SMPD3: variants seen among roughly 807,000 people sequenced by gnomAD.
The protein encoded by SMPD3 is nSMase-2.
In SMPD3, 21 loss-of-function variants were observed where a neutral mutation model predicts 55.7. The ratio of observed to expected loss-of-function variants is 0.38; its 90% CI spans 0.27 to 0.54. SMPD3 has a LOEUF of 0.54. Ranked by LOEUF, SMPD3 falls within the 20% of genes least tolerant of loss-of-function variation. The pLI, the probability that SMPD3 is intolerant of heterozygous loss-of-function variation, is 0.80. For missense variants in SMPD3, 842 were observed against 899.6 expected (o/e 0.94, Z 0.82); for synonymous variants, 457 against 404.3 (o/e 1.13, Z -1.56).
chr16:68,414,662 G>A (rs2090325962), intron 1 of SMPD3, among the ~76,000 whole-genome samples: 2 of 152,260 alleles, frequency 1.3e-5, no homozygotes, highest in Admixed American at 1.3e-4. Flanking sequence ...GAAAGTGCTG[G>A]CTCTTGGCTC....
chr16:68,432,168 C>A (rs1053865728), intron 1 of SMPD3, among the ~76,000 whole-genome samples: 8 of 151,974 alleles, frequency 5.3e-5, no homozygotes, highest in Admixed American at 5.2e-4. Flanking sequence ...TACAATAATC[C>A]TTTATGGTAG....
intron 1 of SMPD3, among the ~76,000 whole-genome samples, chr16:68,432,790 A>T (rs1373795768): frequency 6.6e-6 from 1 of 152,138 alleles, no homozygotes; most frequent in African/African-American, 2.4e-5. Context: ...GGTTTTAAAA[A>T]TTTGACTTTG....
intron 1 of SMPD3, among the ~76,000 whole-genome samples, chr16:68,411,617 G>A (rs368411283): frequency 4.6e-5 from 7 of 152,304 alleles, no homozygotes; most frequent in South Asian, 2.1e-4. Flanking sequence ...AATGGATAAC[G>A]ATCAAAGATG....
At chr16:68,445,876 G>A (rs900491335) in intron 1 of SMPD3, among the ~76,000 whole-genome samples, 2 of 152,198 alleles carry the variant, frequency 1.3e-5, no homozygotes, top group Non-Finnish European at 2.9e-5. Context: ...GGGAGGGCAG[G>A]TCTGGGAGGG....
chr16:68,387,143 C>A (rs1195396058), intron 1 of SMPD3, among the ~76,000 whole-genome samples: 2 of 152,046 alleles, frequency 1.3e-5, no homozygotes, highest in South Asian at 2.1e-4. Context: ...GAGAGCTGAA[C>A]CCAGGCCAGG....
At position 68,370,842 on chromosome 16, in the gene SMPD3, G is replaced by A; in HGVS notation, c.1323+17C>T. 6.2e-7 allele frequency: 1 copy of A among 1,612,266 alleles called. No homozygotes were observed. The highest frequency in any genetic ancestry group is 1.1e-5 in the South Asian group (1 of 90,640). On this transcript the variant is annotated intron_variant, in intron 3 of 8. Transcript: ENST00000219334. ...CCAGCTGGCACGTGGTCCTCAGGCT[G>A]GGCCGAGGTCTCCTACCTTGAGAAA...
intron 1 of SMPD3, among the ~76,000 whole-genome samples, chr16:68,440,070 T>C (rs1405369748): frequency 6.6e-6 from 1 of 152,246 alleles, no homozygotes; most frequent in East Asian, 1.9e-4. Flanking sequence ...TCCTACGTTT[T>C]GGTGTAGACA....
chr16:68,397,903 G>A (rs74024640), intron 1 of SMPD3, among the ~76,000 whole-genome samples: 3,461 of 152,344 alleles, frequency 0.023, 142 homozygotes, highest in African/African-American at 0.079. Context: ...TCTGGGACCT[G>A]GGTCACATGT....
rs60841057 is a variant in SMPD3, at chr16:68,392,835, GAAAAAAAAAA to G, written c.-268-6186_-268-6177del. On this transcript the variant is annotated intron_variant, in intron 1 of 8. Coordinates refer to ENST00000219334, the MANE Select transcript of SMPD3 (RefSeq NM_018667.4). ...CGTGACAGAATGAGACGCTGTCTGG[GAAAAAAAAAA>G]AAAAAAAAAAGATGCCAAAGTGCTC... is the stretch of plus-strand genomic sequence containing the variant. Among the ~76,000 whole-genome samples the G allele has an allele frequency of 4.5e-5, 4 of 88,294 alleles. No individual in the cohort carries two copies. The Admixed American group carries it at 6.0e-4, about 13-fold the overall frequency. The allele number at this position is 88,294 out of a possible 152,430, so 57.9% of individuals were successfully genotyped here. A position where few individuals can be genotyped will look rare whatever the true frequency, so the allele number is the denominator to read the frequency against.
intron 2 of SMPD3, among the ~76,000 whole-genome samples, chr16:68,385,075 G>T (rs2090028424): frequency 6.6e-6 from 1 of 152,166 alleles, no homozygotes; most frequent in Non-Finnish European, 1.5e-5. Context: ...ATCAGAGAAG[G>T]CGTCACCCAG....
intron 3 of SMPD3, among the ~76,000 whole-genome samples, chr16:68,365,833 G>A (rs2089463107): frequency 6.6e-6 from 1 of 151,886 alleles, no homozygotes; most frequent in South Asian, 2.1e-4. Context: ...GATCCCAAAG[G>A]CTGGCTTAAT....
intron 1 of SMPD3, among the ~76,000 whole-genome samples, chr16:68,435,351 TG>T (rs2090514206): frequency 6.6e-6 from 1 of 152,252 alleles, no homozygotes; most frequent in Admixed American, 6.5e-5. Flanking sequence ...GGAATTTCAG[TG>T]AGGGCTTTTT....
At chr16:68,396,327 A>G (rs551546430) in intron 1 of SMPD3, among the ~76,000 whole-genome samples, 1 of 151,990 alleles carries the variant, frequency 6.6e-6, no homozygotes, top group East Asian at 1.9e-4. Context: ...TGGCTTGAGG[A>G]CCCCAGTGAC....
In SMPD3 at chr16:68,372,194, G is replaced by C. The variant is rs765067839; in HGVS notation, c.-13C>G. 7.5e-6 allele frequency: 12 copies of C among 1,609,192 alleles called. No individual in the cohort carries two copies. Among genetic ancestry groups the C allele is most frequent in the Non-Finnish European group, 1.0e-5 (12 of 1,178,446 alleles). ...TGTACAAAACCATCGCAGCTCACTG[G>C]GCGCCGCAGCCGGCCCTACTACATG... On this transcript the variant is annotated 5_prime_UTR_variant, in exon 3 of 9. Transcript: ENST00000219334.
chr16:68,418,487 A>AT (rs1286265654), intron 1 of SMPD3, among the ~76,000 whole-genome samples: 1 of 152,208 alleles, frequency 6.6e-6, no homozygotes, highest in Non-Finnish European at 1.5e-5. Context: ...ATTGCACTAA[A>AT]TTTTTTAAAG....
chr16:68,363,441 G>A, intron 7 of SMPD3, 55 bp downstream of exon 7: 2 of 1,599,862 alleles, frequency 1.3e-6, no homozygotes, highest in Non-Finnish European at 8.6e-7. Flanking sequence ...CCCAGTCCCT[G>A]TCTCCACCTT....
At chr16:68,411,854 G>A (rs2090304145) in intron 1 of SMPD3, among the ~76,000 whole-genome samples, 1 of 152,178 alleles carries the variant, frequency 6.6e-6, no homozygotes, top group Non-Finnish European at 1.5e-5. Context: ...AAGACTGGGA[G>A]GAAGCTCAGA....
intron 1 of SMPD3, among the ~76,000 whole-genome samples, chr16:68,405,688 C>G (rs1176218766): frequency 6.6e-6 from 1 of 151,986 alleles, no homozygotes; most frequent in East Asian, 1.9e-4. Flanking sequence ...AAAGTCTCAG[C>G]CTGAAAGTCC....
chr16:68,389,246 A>AGT (rs2090089829), intron 1 of SMPD3, among the ~76,000 whole-genome samples: 2 of 152,222 alleles, frequency 1.3e-5, no homozygotes, highest in Non-Finnish European at 2.9e-5. Flanking sequence ...ACAGCAAGGC[A>AGT]GTGTCTGGAG....
Sources: allele counts gnomAD v4.1 joint callset (sites outside exome capture counted in the v4.1 genomes callset), GRCh38; gene constraint gnomAD v4.1.1; transcripts MANE v1.5; gene names NCBI Gene and HGNC (gene_info 2026-07-23, HGNC 2026-07-21).